Variants in RNF217 observed in about 807,000 individuals in gnomAD.
RNF217 encodes E3 ubiquitin-protein ligase RNF217.
RNF217 carries 31 observed loss-of-function variants against 57.8 expected under a neutral mutation model. The observed-to-expected ratio is 0.54, with a 90% CI of 0.40 to 0.72. RNF217 has a LOEUF of 0.72. Ranked by LOEUF, RNF217 falls within the 30% of genes least tolerant of loss-of-function variation. RNF217 has a pLI of 0.00. For missense variants in RNF217, 696 were observed against 708.3 expected (o/e 0.98, Z 0.20); for synonymous variants, 313 against 294.0 (o/e 1.06, Z -0.66).
chr6:124,991,179 C>G lies in RNF217; in HGVS notation c.882+27753C>G, dbSNP rs556622188. Among the ~76,000 whole-genome samples, 4 of 152,302 alleles carry G rather than the reference C, an allele frequency of 2.6e-5. No homozygotes were observed. The South Asian group carries it at 6.2e-4, about 24-fold the overall frequency. ...TGTGTGATCCATGACTCTGTTCCCC[C>G]ACCCTGTTTCCTTTCTGACCTCTCT... On this transcript the variant is annotated intron_variant, in intron 1 of 5. Transcript: ENST00000521654.
rs192192036 is a variant in RNF217 at position 124,999,047 on chromosome 6, T to C, written c.882+35621T>C. On this transcript the variant is annotated intron_variant, in intron 1 of 5. Coordinates refer to ENST00000521654, the MANE Select transcript of RNF217 (RefSeq NM_001286398.3). ...TATAGTATAGAGCTTGCAGTTGATT[T>C]ATAGCAGTATTTGACATAAAACACA... Among the ~76,000 whole-genome samples, 11 of 152,312 alleles carry C rather than the reference T, an allele frequency of 7.2e-5. No homozygotes were observed. The East Asian group carries it at 2.1e-3, about 29-fold the overall frequency.
intron 1 of RNF217, among the ~76,000 whole-genome samples, chr6:124,967,766 G>T (rs1190925010): frequency 6.6e-6 from 1 of 152,012 alleles, no homozygotes; most frequent in Non-Finnish European, 1.5e-5. Context: ...ATGGGTAAAA[G>T]TGTAACATAA....
At chr6:124,986,456 T>C (rs1165912946) in intron 1 of RNF217, among the ~76,000 whole-genome samples, 1 of 152,252 alleles carries the variant, frequency 6.6e-6, no homozygotes. Flanking sequence ...GGCTTCCATC[T>C]GATCCCTTCC....
intron 1 of RNF217, among the ~76,000 whole-genome samples, chr6:124,984,817 G>C (rs550300349): frequency 3.6e-4 from 55 of 152,170 alleles, no homozygotes; most frequent in Non-Finnish European, 5.3e-4. Flanking sequence ...AAATGACTCA[G>C]CTTTATTCCC....
intron 4 of RNF217, among the ~76,000 whole-genome samples, chr6:125,078,091 G>A (rs768744956): frequency 1.2e-4 from 18 of 152,254 alleles, no homozygotes; most frequent in Middle Eastern, 6.8e-3. Flanking sequence ...GCATTCAATA[G>A]TCAAGACTGC....
At chr6:125,033,165 A>G (rs957057504) in intron 1 of RNF217, among the ~76,000 whole-genome samples, 34 of 151,378 alleles carry the variant, frequency 2.2e-4, no homozygotes, top group Non-Finnish European at 1.2e-4. Flanking sequence ...TTGGATTTCA[A>G]CTAAGATCTG....
rs145903989 is a variant in RNF217 at position 125,003,111 on chromosome 6, A to AAC, written c.882+39701_882+39702dup. Among the ~76,000 whole-genome samples, 430 of 150,980 alleles carry AAC rather than the reference A, an allele frequency of 2.8e-3. 2 individuals carry two copies. The highest frequency in any genetic ancestry group is 4.2e-3 in the Non-Finnish European group (286 of 67,520). On this transcript the variant is annotated intron_variant, in intron 1 of 5. Transcript: ENST00000521654. ...GTCATTTTAAACACACACGCACACA[A>AAC]ACACACACACACACACATACCTATT...
chr6:125,091,247 G>T lies in RNF217; in HGVS notation c.*8310G>T, dbSNP rs1177647866. 1.3e-5 allele frequency: 2 copies of T among 152,004 alleles called. No homozygotes were observed. Among genetic ancestry groups the T allele is most frequent in the Non-Finnish European group, 2.9e-5 (2 of 67,920 alleles). 9.4% of individuals were successfully genotyped at this position (152,004 alleles called of 1,614,324 possible). A position where few individuals can be genotyped will look rare whatever the true frequency, so the allele number is the denominator to read the frequency against. On this transcript the variant is annotated 3_prime_UTR_variant, in exon 6 of 6. Transcript: ENST00000521654. ...CTGGGTTTATTCTCATTTTCCAATA[G>T]CACTAATGTATAATCCCTTTAACCT...
intron 3 of RNF217, among the ~76,000 whole-genome samples, chr6:125,072,210 G>T (rs1177434851): frequency 1.3e-5 from 2 of 152,114 alleles, no homozygotes; most frequent in Non-Finnish European, 2.9e-5. Flanking sequence ...ATTGCATTTT[G>T]CTAGTTTATT....
chr6:124,998,211 T>C (rs1482614676), intron 1 of RNF217, among the ~76,000 whole-genome samples: 1 of 152,194 alleles, frequency 6.6e-6, no homozygotes, highest in Non-Finnish European at 1.5e-5. Context: ...TTTCACACTT[T>C]ACTTCCCTCA....
chr6:125,081,490 C>T lies in RNF217; in HGVS notation c.1538C>T (p.Ala513Val), dbSNP rs1788571505. 6.2e-7 allele frequency: 1 copy of T among 1,610,872 alleles called. No individual in the cohort carries two copies. Among genetic ancestry groups the T allele is most frequent in the African/African-American group, 1.3e-5 (1 of 74,742 alleles). ...LIMVLGLALG[A>V]IAVVIGLFVF... ...ATGGTTTTGGGATTGGCACTAGGGG[C>T]CATAGCGGTTGTAATCGGTAAGAAA... Residue 513 changes from alanine (A) to valine (V), a missense_variant, in exon 5 of 6, where the codon GCC (alanine) becomes GTC (valine). By Grantham distance (64) the Ala-to-Val change is moderately conservative (BLOSUM62 0). Around this residue, in one of 2 missense-constraint regions of RNF217, gnomAD observed 231 missense variants for 321.4 expected, o/e 0.72. Coordinates refer to ENST00000521654, the MANE Select transcript of RNF217 (RefSeq NM_001286398.3).
chr6:125,011,478 G>T (rs556353096), intron 1 of RNF217, among the ~76,000 whole-genome samples: 26 of 152,032 alleles, frequency 1.7e-4, no homozygotes, highest in Non-Finnish European at 3.7e-4. Flanking sequence ...CAATTCCAGA[G>T]CCCCCTACTT....
At chr6:125,080,894 T>C (rs1180696358) in intron 4 of RNF217, among the ~76,000 whole-genome samples, 1 of 152,138 alleles carries the variant, frequency 6.6e-6, no homozygotes, top group Non-Finnish European at 1.5e-5. Flanking sequence ...CTCTAACATC[T>C]TGAAACGTCC....
intron 1 of RNF217, among the ~76,000 whole-genome samples, chr6:124,976,838 C>A (rs934823978): frequency 2.0e-5 from 3 of 152,162 alleles, no homozygotes; most frequent in Non-Finnish European, 2.9e-5. Context: ...GAATAGATAA[C>A]CCTTGGGTTT....
At chr6:125,076,880 G>C in intron 4 of RNF217, 22 bp downstream of exon 4, 1 of 1,595,434 alleles carries the variant, frequency 6.3e-7, no homozygotes, top group Non-Finnish European at 8.6e-7. Flanking sequence ...ACATACTTAT[G>C]GGTGTCTTCC....
At chr6:125,044,974 A>C (rs1787038578) in intron 1 of RNF217, among the ~76,000 whole-genome samples, 2 of 152,084 alleles carry the variant, frequency 1.3e-5, no homozygotes, top group Admixed American at 1.3e-4. Flanking sequence ...TTCACAAAAA[A>C]GAATGATCAG....
At chr6:125,032,069 A>G (rs866245746) in intron 1 of RNF217, among the ~76,000 whole-genome samples, 27 of 152,204 alleles carry the variant, frequency 1.8e-4, no homozygotes, top group African/African-American at 6.3e-4. Context: ...CTTATTCATT[A>G]TCACAAGAAT....
At chr6:125,033,449 G>GT (rs36148957) in intron 1 of RNF217, among the ~76,000 whole-genome samples, 39,014 of 145,768 alleles carry the variant, frequency 0.27, 5,563 homozygotes, top group East Asian at 0.41. Context: ...GCGGTGTTTG[G>GT]TTTTTTGTCC....
intron 3 of RNF217, among the ~76,000 whole-genome samples, chr6:125,069,668 A>G (rs991229627): frequency 3.3e-5 from 5 of 152,158 alleles, no homozygotes; most frequent in African/African-American, 1.2e-4. Flanking sequence ...CCCCAGTAAT[A>G]GGACTCCTGG....
Sources: gnomAD v4.1 joint callset for allele counts (sites outside exome capture counted in the v4.1 genomes callset) on GRCh38, gnomAD v4.1.1 for gene constraint, gnomAD v4.1.1 regional missense constraint, MANE v1.5 for transcripts, NCBI Gene and HGNC (gene_info 2026-07-23, HGNC 2026-07-21) for gene names.